PLXDC1: variants seen among roughly 807,000 people sequenced by gnomAD.
The protein encoded by PLXDC1 is plexin domain containing 1.
Under a neutral mutation model 61.3 loss-of-function variants are expected in PLXDC1, and 39 were observed. That is an observed-to-expected ratio of 0.64 (90% CI 0.49 to 0.83). The LOEUF (loss-of-function observed/expected upper bound fraction) is 0.83, where lower values mean the gene tolerates loss of function less well. Ranked by LOEUF, PLXDC1 falls within the 40% of genes least tolerant of loss-of-function variation. The pLI, the probability that PLXDC1 is intolerant of heterozygous loss-of-function variation, is 0.00. For missense variants in PLXDC1, 596 were observed against 666.5 expected, an observed-to-expected ratio of 0.89 and a Z score of 1.17; for synonymous variants, 212 against 254.5, an observed-to-expected ratio of 0.83 and a Z score of 1.59.
chr17:39,129,733 G>GAAAGAAAGAAAGAAAGAAAGAAAGAAAGA (rs1555573394), intron 2 of PLXDC1, among the ~76,000 whole-genome samples: 100 of 130,558 alleles, frequency 7.7e-4, no homozygotes, highest in South Asian at 4.8e-3. Context: ...AGAAAGAAAA[G>GAAAGAAAGAAAGAAAGAAAGAAAGAAAGA]AAAGAAAGGA....
intron 7 of PLXDC1, among the ~76,000 whole-genome samples, chr17:39,095,381 A>T (rs61602709): frequency 2.3e-4 from 1 of 4,258 alleles, no homozygotes; most frequent in Non-Finnish European, 4.1e-4. Flanking sequence ...CCCCCCCCCA[A>T]CCCCCCAAGC....
At chr17:39,100,427 T>C (rs1910381525) in intron 7 of PLXDC1, among the ~76,000 whole-genome samples, 1 of 152,148 alleles carries the variant, frequency 6.6e-6, no homozygotes, top group South Asian at 2.1e-4. Context: ...AGCTAACTTT[T>C]GTATTTTTAG....
intron 2 of PLXDC1, among the ~76,000 whole-genome samples, chr17:39,126,690 C>T (rs527374926): frequency 2.6e-5 from 4 of 152,268 alleles, no homozygotes; most frequent in Admixed American, 6.5e-5. Flanking sequence ...CACATATTCA[C>T]GCTCACTCAT....
chr17:39,112,011 T>C (rs1158060004), intron 2 of PLXDC1: 1 of 152,232 alleles, frequency 6.6e-6, no homozygotes, highest in Admixed American at 6.5e-5. Context: ...TAATGCTTCA[T>C]GTTTTTCCTT....
chr17:39,099,551 G>A (rs1910346174), intron 7 of PLXDC1, among the ~76,000 whole-genome samples: 1 of 152,118 alleles, frequency 6.6e-6, no homozygotes, highest in Admixed American at 6.6e-5. Context: ...CCACTCTGTG[G>A]GTGTTTGGGG....
chr17:39,142,115 C>A (rs1015437377), intron 1 of PLXDC1, among the ~76,000 whole-genome samples: 1 of 152,178 alleles, frequency 6.6e-6, no homozygotes, highest in African/African-American at 2.4e-5. Context: ...TAGCACCACG[C>A]TCCTCCCCAT....
At chr17:39,083,832 C>T (rs1909649015) in intron 8 of PLXDC1, among the ~76,000 whole-genome samples, 1 of 152,030 alleles carries the variant, frequency 6.6e-6, no homozygotes, top group South Asian at 2.1e-4. Flanking sequence ...GCCTCCCCAC[C>T]ATCTCTTCCT....
chr17:39,109,141 C>G, intron 3 of PLXDC1, 107 bp downstream of exon 3: 1 of 1,434,914 alleles, frequency 7.0e-7, no homozygotes, highest in South Asian at 1.3e-5. Flanking sequence ...GAAGGTACCT[C>G]CCAGGTCACA....
chr17:39,112,674 G>A (rs114256889), intron 2 of PLXDC1, among the ~76,000 whole-genome samples: 1,671 of 152,074 alleles, frequency 0.011, 33 homozygotes, highest in African/African-American at 0.038. Context: ...CCCCTGACAC[G>A]CAGGGATGGG....
At chr17:39,128,665 G>T (rs1220312957) in intron 2 of PLXDC1, among the ~76,000 whole-genome samples, 2 of 152,138 alleles carry the variant, frequency 1.3e-5, no homozygotes, top group Admixed American at 1.3e-4. Context: ...TAAACACAGA[G>T]TTACCATATG....
At chr17:39,107,298 G>A in intron 6 of PLXDC1, 109 bp downstream of exon 6, 2 of 691,970 alleles carry the variant, frequency 2.9e-6, no homozygotes. Context: ...GTTAACTGCT[G>A]TATTACCAGC....
At chr17:39,070,291 C>T (rs570263005) in intron 12 of PLXDC1, 2 of 325,312 alleles carry the variant, frequency 6.1e-6, no homozygotes, top group Admixed American at 9.2e-5. Context: ...ATATCTGTGC[C>T]ACTACATAAG....
Position 39,087,614 on chromosome 17 carries a change from TG to T in PLXDC1, c.899del (p.Pro300HisfsTer19). ...GGAATGACCCCTACTCACTCGGCAATGGGGTGAACTCCACGGCCGACATGCT... is the reference window on the plus strand; with the variant it reads ...GGAATGACCCCTACTCACTCGGCAATGGGTGAACTCCACGGCCGACATGCT... ...VTSMSAVEFT[P>X]LPTCLQHRSC... On this transcript the variant is annotated frameshift_variant, in exon 8 of 14. Transcript: ENST00000315392. LOFTEE classifies it high-confidence loss of function. 1 of 1,612,974 alleles carries T rather than the reference TG, an allele frequency of 6.2e-7. No homozygotes were observed. Among genetic ancestry groups the T allele is most frequent in the Non-Finnish European group, 8.5e-7 (1 of 1,179,002 alleles).
rs1194628545 is a variant in PLXDC1 at position 39,063,568 on chromosome 17, A to G, written c.*4272T>C. 16 of 693,086 alleles carry G rather than the reference A, an allele frequency of 2.3e-5. No homozygotes were observed. Among genetic ancestry groups the G allele is most frequent in the Non-Finnish European group, 4.2e-5 (16 of 381,772 alleles). The allele number at this position is 693,086 out of a possible 1,614,324, so 42.9% of individuals were successfully genotyped here. On this transcript the variant is annotated 3_prime_UTR_variant, in exon 14 of 14. Coordinates refer to ENST00000315392, the MANE Select transcript of PLXDC1 (RefSeq NM_020405.5). Reference sequence around the variant, plus strand: ...CAAGGTATGTGTGGTGATCTTCGGAATGCCACTCCAAATCCTTTGCACTTT... The same window carrying G: ...CAAGGTATGTGTGGTGATCTTCGGAGTGCCACTCCAAATCCTTTGCACTTT...
chr17:39,128,880 C>T (rs1053541115), intron 2 of PLXDC1, among the ~76,000 whole-genome samples: 1 of 152,068 alleles, frequency 6.6e-6, no homozygotes, highest in African/African-American at 2.4e-5. Context: ...TGTGGTGGCA[C>T]GCGCCTGTAG....
intron 11 of PLXDC1, among the ~76,000 whole-genome samples, chr17:39,074,102 G>A (rs1909231878): frequency 6.6e-6 from 1 of 152,156 alleles, no homozygotes; most frequent in South Asian, 2.1e-4. Flanking sequence ...TCCCACACCT[G>A]CCTCTGCAAG....
At position 39,110,701 on chromosome 17, in the gene PLXDC1, C is replaced by G. The variant is rs1487452394; in HGVS notation, c.256-1310G>C. 3.9e-5 allele frequency among the ~76,000 whole-genome samples: 6 copies of G among 152,232 alleles called. No homozygotes were observed. The East Asian group carries it at 9.6e-4, about 24-fold the overall frequency. On this transcript the variant is annotated intron_variant, in intron 2 of 13. Coordinates refer to ENST00000315392, the MANE Select transcript of PLXDC1 (RefSeq NM_020405.5). ...GCAGAGTAAACGACATTCTCCCTGC[C>G]AGGCTGCCAGCTGCCCAGCCGGCCC...
upstream of PLXDC1, among the ~76,000 whole-genome samples, chr17:39,151,996 T>C (rs1004166037): frequency 1.3e-5 from 2 of 151,880 alleles, no homozygotes; most frequent in African/African-American, 4.8e-5. The surrounding 1 kb of genome is among the most constrained non-coding windows in gnomAD (Gnocchi z 5.2). Context: ...CCCCTGACTG[T>C]TCCCCGCCCC....
At chr17:39,108,646 G>A in intron 4 of PLXDC1, 2 of 542,882 alleles carry the variant, frequency 3.7e-6, no homozygotes, top group South Asian at 2.2e-5. Context: ...AGCAACTCCG[G>A]GACACAGGGC....
Sources: allele counts gnomAD v4.1 joint callset (sites outside exome capture counted in the v4.1 genomes callset), GRCh38; gene constraint gnomAD v4.1.1; non-coding constraint Gnocchi (gnomAD v3.1); transcripts MANE v1.5; gene names NCBI Gene and HGNC (gene_info 2026-07-23, HGNC 2026-07-21).